POC1A: variants seen among roughly 807,000 people sequenced by gnomAD.
POC1A encodes the protein POC1 centriolar protein A, also known as POC1 centriolar protein homolog A.
In POC1A, 34 loss-of-function variants were observed where a neutral mutation model predicts 47.8. The ratio of observed to expected loss-of-function variants is 0.71; its 90% confidence interval spans 0.54 to 0.95. The LOEUF is 0.95. POC1A is among the 40% of genes least tolerant of loss of function. The pLI is 0.00. For missense variants in POC1A, 466 were observed against 528.3 expected (o/e 0.88, Z 1.16); for synonymous variants, 177 against 207.6 (o/e 0.85, Z 1.27).
intron 7 of POC1A, among the ~76,000 whole-genome samples, chr3:52,129,114 T>C (rs1054358004): frequency 6.6e-6 from 1 of 152,046 alleles, no homozygotes; most frequent in Non-Finnish European, 1.5e-5. Context: ...ACCCCATCTC[T>C]ACTAAAACTA....
At position 52,149,169 on chromosome 3, in the gene POC1A, C is replaced by T. The variant is rs1404757922; in HGVS notation, c.455+41G>A. 3 of 1,598,036 alleles carry T rather than the reference C, an allele frequency of 1.9e-6. No homozygotes were observed. In the African/African-American group the frequency reaches 4.0e-5, roughly 21 times the overall value. The stretch of plus-strand genomic sequence containing the variant: ...CAGCCCCTGGGCCAGCCCCCAACCC[C>T]CAGGGTTCCTCCAAGGGTCTCCAGA... On this transcript the variant is annotated intron_variant, in intron 4 of 10. Coordinates refer to ENST00000296484, the MANE Select transcript of POC1A (RefSeq NM_015426.5).
chr3:52,136,239 G>A (rs1200342632), intron 7 of POC1A, among the ~76,000 whole-genome samples: 5 of 152,114 alleles, frequency 3.3e-5, no homozygotes, highest in East Asian at 1.9e-4. Flanking sequence ...GAGTTTAGGG[G>A]GCTGGGAGAA....
intron 9 of POC1A, among the ~76,000 whole-genome samples, chr3:52,107,320 G>A (rs1455542823): frequency 6.6e-6 from 1 of 152,200 alleles, no homozygotes; most frequent in African/African-American, 2.4e-5. Flanking sequence ...ACTGCATGGT[G>A]GAGGCTAGGA....
In POC1A at chr3:52,142,620, C is replaced by T. The variant is rs773400764; in HGVS notation, c.679+3226G>A. Among the ~76,000 whole-genome samples, 4 of 152,202 alleles carry T rather than the reference C, an allele frequency of 2.6e-5. 1 individual carries two copies. The highest frequency in any genetic ancestry group is 5.9e-5 in the Non-Finnish European group (4 of 68,036). On this transcript the variant is annotated intron_variant, in intron 6 of 10. Coordinates refer to ENST00000296484, the MANE Select transcript of POC1A (RefSeq NM_015426.5). The stretch of plus-strand genomic sequence containing the variant: ...CCTCTCACAAGAGCCCATCAGCGTC[C>T]AACACCCGAAGGCCATTCTGGAAGT...
At chr3:52,094,873 A>AAGGCCAC (rs1432660350) in intron 10 of POC1A, among the ~76,000 whole-genome samples, 17 of 152,206 alleles carry the variant, frequency 1.1e-4, no homozygotes, top group East Asian at 1.9e-4. Context: ...CCATGGGCCA[A>AAGGCCAC]AGGCCACAGG....
intron 10 of POC1A, among the ~76,000 whole-genome samples, chr3:52,081,238 T>C (rs1702270269): frequency 6.6e-6 from 1 of 152,212 alleles, no homozygotes; most frequent in Admixed American, 6.5e-5. Context: ...CTGGCTTCCG[T>C]ATGGTCTCTG....
intron 9 of POC1A, among the ~76,000 whole-genome samples, chr3:52,101,068 C>T (rs1702986045): frequency 1.4e-5 from 2 of 139,686 alleles, no homozygotes; most frequent in Non-Finnish European, 3.0e-5. Context: ...GTCAAGACAA[C>T]AGGGCCCACC....
Position 52,149,829 on chromosome 3 carries a change from A to C in POC1A, c.262T>G (p.Trp88Gly). Residue 88 changes from tryptophan to glycine, a missense_variant, in exon 3 of 11, where the codon TGG becomes GGG. Coordinates refer to ENST00000296484, the MANE Select transcript of POC1A (RefSeq NM_015426.5). Reference protein sequence around the residue: ...SGSRDKTVRIWVPNVKGESTV... With the variant: ...SGSRDKTVRIGVPNVKGESTV... The stretch of plus-strand genomic sequence containing the variant: ...TGTACGACTCACACATTGGGTACCC[A>C]GATGCGGACAGTCTTGTCTCGGGAG... The C allele has an allele frequency of 6.2e-7, 1 of 1,613,510 alleles. No homozygotes were observed.
At chr3:52,152,574 AATAAATAAATAAAATAAAT>A (rs1260472842) in intron 1 of POC1A, among the ~76,000 whole-genome samples, 1 of 152,008 alleles carries the variant, frequency 6.6e-6, no homozygotes. Context: ...CTAATCAAAA[AATAAATAAATAAAATAAAT>A]ATAAATAAAT....
At position 52,149,855 on chromosome 3, in the gene POC1A, C is replaced by T; in HGVS notation, c.236G>A (p.Gly79Asp). 1 of 1,613,896 alleles carries T rather than the reference C, an allele frequency of 6.2e-7. No homozygotes were observed. ...GATGCGGACAGTCTTGTCTCGGGAGCCGGAAGCAAGCAGGTGTCCCGAAGG... is the reference window on the plus strand; with the variant it reads ...GATGCGGACAGTCTTGTCTCGGGAGTCGGAAGCAAGCAGGTGTCCCGAAGG... ...FSPSGHLLAS[G>D]SRDKTVRIWV... The change falls in exon 3 of 11, where the codon GGC becomes GAC. Residue 79 changes from glycine (G) to aspartate (D), a missense_variant. By Grantham distance (94) the Gly-to-Asp change is moderately conservative. Coordinates refer to ENST00000296484, the MANE Select transcript of POC1A (RefSeq NM_015426.5).
At chr3:52,076,583 A>C (rs1195749421) in intron 10 of POC1A, among the ~76,000 whole-genome samples, 1 of 152,242 alleles carries the variant, frequency 6.6e-6, no homozygotes, top group Middle Eastern at 3.2e-3. Context: ...AGGATATGTC[A>C]TGTGGGACTT....
rs1436298738 is a variant in POC1A, at chr3:52,075,321, T to G, written c.*566A>C. On this transcript the variant is annotated 3_prime_UTR_variant, in exon 11 of 11. Coordinates refer to ENST00000296484, the MANE Select transcript of POC1A (RefSeq NM_015426.5). ...TCACGCAAGGAGGAAGTCACCTGGC[T>G]CCAGTGAACACGTGTGGAACAGAAA... is the stretch of plus-strand genomic sequence containing the variant. The G allele has an allele frequency of 6.5e-6, 1 of 153,412 alleles. No homozygotes were observed. Among genetic ancestry groups the G allele is most frequent in the East Asian group, 1.9e-4 (1 of 5,224 alleles). The allele number at this position is 153,412 out of a possible 1,614,324, so 9.5% of individuals were successfully genotyped here.
chr3:52,131,314 G>T (rs1369529678), intron 7 of POC1A, among the ~76,000 whole-genome samples: 2 of 152,204 alleles, frequency 1.3e-5, no homozygotes, highest in African/African-American at 4.8e-5. Flanking sequence ...AACCGTGGTA[G>T]TTGGTAGGGA....
At chr3:52,153,528 T>C (rs915907137) in intron 1 of POC1A, among the ~76,000 whole-genome samples, 1 of 152,200 alleles carries the variant, frequency 6.6e-6, no homozygotes, top group Non-Finnish European at 1.5e-5. Context: ...AGCCTTCTGC[T>C]CTCACCTAAG....
intron 7 of POC1A, among the ~76,000 whole-genome samples, chr3:52,132,003 A>G (rs1275591824): frequency 1.3e-5 from 2 of 152,144 alleles, no homozygotes; most frequent in South Asian, 4.1e-4. Flanking sequence ...AGAAACTTCT[A>G]ATGCCCTTTT....
chr3:52,141,955 A>G (rs1698207961), intron 6 of POC1A, among the ~76,000 whole-genome samples: 1 of 152,244 alleles, frequency 6.6e-6, no homozygotes, highest in African/African-American at 2.4e-5. Context: ...CCCTGCTGAC[A>G]GCCAGCCAAA....
Position 52,117,445 on chromosome 3 carries a change from C to A in POC1A, c.981+4934G>T, listed in dbSNP as rs564524713. On this transcript the variant is annotated intron_variant, in intron 9 of 10. Coordinates refer to ENST00000296484, the MANE Select transcript of POC1A (RefSeq NM_015426.5). ...CACGAAGGAGGGCCCAGCCTCTCCCCAAACGACAGAAGAGAAAACCGTGCC... is the reference window on the plus strand; with the variant it reads ...CACGAAGGAGGGCCCAGCCTCTCCCAAAACGACAGAAGAGAAAACCGTGCC... 9.4e-4 allele frequency among the ~76,000 whole-genome samples: 143 copies of A among 152,290 alleles called. 1 individual carries two copies. In the South Asian group the frequency reaches 0.029, roughly 30 times the overall value.
At chr3:52,120,154 T>C (rs557194040) in intron 9 of POC1A, among the ~76,000 whole-genome samples, 1 of 152,280 alleles carries the variant, frequency 6.6e-6, no homozygotes, top group African/African-American at 2.4e-5. Context: ...AAGATGAAGA[T>C]CTTCTGGAAA....
chr3:52,076,910 T>C (rs1362540200), intron 10 of POC1A, among the ~76,000 whole-genome samples: 2 of 152,264 alleles, frequency 1.3e-5, no homozygotes, highest in African/African-American at 4.8e-5. Flanking sequence ...CTTGCAGACA[T>C]AGCTCCCAGA....
Sources: gnomAD v4.1 joint callset for allele counts (sites outside exome capture counted in the v4.1 genomes callset) on GRCh38, gnomAD v4.1.1 for gene constraint, MANE v1.5 for transcripts, NCBI Gene and HGNC (gene_info 2026-07-23, HGNC 2026-07-21) for gene names.